The following LOXL2 variants were observed in gnomAD, a reference collection of about 807,000 sequenced individuals.
The protein encoded by LOXL2 is lysyl oxidase like 2.
LOXL2 carries 70 observed loss-of-function variants against 93.0 expected under a neutral mutation model. That is an observed-to-expected ratio of 0.75 (90% CI 0.62 to 0.92). LOXL2 has a LOEUF of 0.92. Ranked by LOEUF, LOXL2 falls within the 40% of genes least tolerant of loss-of-function variation. LOXL2 has a pLI of 0.00. For missense variants in LOXL2, 973 were observed against 1,054.9 expected (o/e 0.92, Z 1.08); for synonymous variants, 438 against 413.2 (o/e 1.06, Z -0.73).
chr8:23,301,376 T>C (rs1244204177), intron 12 of LOXL2, among the ~76,000 whole-genome samples: 1 of 152,194 alleles, frequency 6.6e-6, no homozygotes. Context: ...CAAGGCCCCC[T>C]TGTTCCTCCT....
At chr8:23,370,421 G>A (rs1393582651) in intron 1 of LOXL2, among the ~76,000 whole-genome samples, 1 of 152,184 alleles carries the variant, frequency 6.6e-6, no homozygotes, top group Non-Finnish European at 1.5e-5. Context: ...CAGGCCCAAG[G>A]GACAGAAACC....
chr8:23,300,203 C>T (rs367965657), intron 12 of LOXL2, among the ~76,000 whole-genome samples: 3 of 152,180 alleles, frequency 2.0e-5, no homozygotes, highest in South Asian at 2.1e-4. Flanking sequence ...GTTGGGGACA[C>T]GAGGGCCAGT....
At chr8:23,318,892 C>T (rs1803448485) in intron 8 of LOXL2, among the ~76,000 whole-genome samples, 2 of 152,222 alleles carry the variant, frequency 1.3e-5, no homozygotes, top group Non-Finnish European at 2.9e-5. Flanking sequence ...AGCTTCTGCT[C>T]AGGGCTCAGG....
At chr8:23,344,472 CTG>C (rs1803935953) in intron 3 of LOXL2, among the ~76,000 whole-genome samples, 1 of 151,486 alleles carries the variant, frequency 6.6e-6, no homozygotes, top group Non-Finnish European at 1.5e-5. Context: ...CTCTGTGTCT[CTG>C]TGTGTGCACG....
intron 2 of LOXL2, among the ~76,000 whole-genome samples, chr8:23,362,039 C>T (rs1804302320): frequency 2.0e-5 from 3 of 151,976 alleles, no homozygotes; most frequent in Non-Finnish European, 4.4e-5. Flanking sequence ...AAAACAGTGT[C>T]TCTAAGAGAT....
Position 23,332,192 on chromosome 8 carries a change from ACCC to A in LOXL2, c.966+1206_966+1208del, listed in dbSNP as rs1563192701. On this transcript the variant is annotated intron_variant, in intron 5 of 13. Transcript: ENST00000389131. ...CACACTCTCTCACACACACACACACACCCCACACACACCCACACCCACCCCACA... is the reference window on the plus strand; with the variant it reads ...CACACTCTCTCACACACACACACACACACACACACCCACACCCACCCCACA... 3.5e-5 allele frequency among the ~76,000 whole-genome samples: 5 copies of A among 143,524 alleles called. No homozygotes were observed. In the East Asian group the frequency reaches 8.9e-4, roughly 26 times the overall value. 94.2% of individuals were successfully genotyped at this position (143,524 alleles called of 152,430 possible).
Position 23,333,579 on chromosome 8 carries a change from A to G in LOXL2, c.788T>C (p.Met263Thr), listed in dbSNP as rs1157063703. 3.1e-6 allele frequency: 5 copies of G among 1,613,844 alleles called. No homozygotes were observed. In the Admixed American group the frequency reaches 5.0e-5, roughly 16 times the overall value. The part of the protein sequence containing the change: ...RRKQRYWPFS[M>T]DCTGTEAHIS... ...GTGGGCCTCTGTGCCGGTGCAGTCC[A>G]TGGAGAATGGCCAGTAGCGCTGCTT... is the stretch of plus-strand genomic sequence containing the variant. Residue 263 changes from methionine to threonine, a missense_variant, in exon 5 of 14, where the codon ATG (methionine) becomes ACG (threonine). Physicochemically the swap from Met to Thr is moderately conservative, Grantham distance 81. Coordinates refer to ENST00000389131, the MANE Select transcript of LOXL2 (RefSeq NM_002318.3).
intron 3 of LOXL2, among the ~76,000 whole-genome samples, chr8:23,343,122 G>A (rs1490017008): frequency 2.0e-5 from 3 of 152,134 alleles, no homozygotes; most frequent in African/African-American, 4.8e-5. Context: ...CTAATATTGA[G>A]CAAGATGCTC....
intron 1 of LOXL2, among the ~76,000 whole-genome samples, chr8:23,382,709 C>T (rs1476339924): frequency 6.6e-6 from 1 of 152,052 alleles, no homozygotes; most frequent in Non-Finnish European, 1.5e-5. Flanking sequence ...TCTTTCTGCC[C>T]TGCTCTGGTC....
intron 3 of LOXL2, among the ~76,000 whole-genome samples, chr8:23,346,151 T>TAAAAAAA (rs1167050288): frequency 9.6e-6 from 1 of 103,722 alleles, no homozygotes; most frequent in Non-Finnish European, 1.9e-5. Flanking sequence ...ATAAATAAAA[T>TAAAAAAA]AAAATAAAAA....
chr8:23,342,139 G>A lies in LOXL2; in HGVS notation c.532-936C>T, dbSNP rs77242373. ...GCCACGTGGGTGTTCCCCCTCCCTC[G>A]ACGTGGAGCTGAAATATCCCTGTAC... is the stretch of plus-strand genomic sequence containing the variant. On this transcript the variant is annotated intron_variant, in intron 3 of 13. Transcript: ENST00000389131. Among the ~76,000 whole-genome samples the A allele has an allele frequency of 1.7e-3, 266 of 152,266 alleles. 1 individual carries two copies. The highest frequency in any genetic ancestry group is 5.5e-3 in the African/African-American group (230 of 41,554).
intron 4 of LOXL2, among the ~76,000 whole-genome samples, chr8:23,334,276 T>C (rs1272967326): frequency 2.0e-5 from 3 of 152,262 alleles, no homozygotes; most frequent in Admixed American, 6.5e-5. Context: ...TGATCTCAAA[T>C]GATCTGCCTG....
intron 10 of LOXL2, among the ~76,000 whole-genome samples, chr8:23,304,252 G>C (rs148804392): frequency 6.6e-6 from 1 of 152,188 alleles, no homozygotes; most frequent in South Asian, 2.1e-4. Flanking sequence ...CTCTTCCCTC[G>C]GGAGGAATTG....
At chr8:23,336,014 A>G (rs1312528578) in intron 4 of LOXL2, among the ~76,000 whole-genome samples, 2 of 152,196 alleles carry the variant, frequency 1.3e-5, no homozygotes, top group South Asian at 2.1e-4. Flanking sequence ...TAATAATTCC[A>G]GGAACCACTG....
intron 3 of LOXL2, among the ~76,000 whole-genome samples, chr8:23,353,836 C>T (rs989560071): frequency 2.0e-5 from 3 of 152,174 alleles, no homozygotes; most frequent in Admixed American, 6.5e-5. Context: ...AACTACAGGC[C>T]GTCACAGCTG....
At chr8:23,328,851 C>A in intron 5 of LOXL2, 1 of 364,494 alleles carries the variant, frequency 2.7e-6, no homozygotes, top group Non-Finnish European at 5.1e-6. Context: ...CCTGGGGAGC[C>A]CATTGGGGAC....
At chr8:23,360,749 G>A (rs1034224510) in intron 2 of LOXL2, among the ~76,000 whole-genome samples, 3 of 152,136 alleles carry the variant, frequency 2.0e-5, no homozygotes, top group Non-Finnish European at 2.9e-5. Flanking sequence ...TGATGATGAT[G>A]ATAATGATGA....
chr8:23,351,293 C>T (rs1184856939), intron 3 of LOXL2, among the ~76,000 whole-genome samples: 8 of 152,140 alleles, frequency 5.3e-5, no homozygotes, highest in African/African-American at 1.4e-4. Flanking sequence ...CCAGGCTGAC[C>T]GCTGCCCACT....
intron 10 of LOXL2, among the ~76,000 whole-genome samples, chr8:23,309,225 C>T (rs867461484): frequency 7.2e-5 from 11 of 152,114 alleles, no homozygotes; most frequent in African/African-American, 1.9e-4. Context: ...CCTCGTGATC[C>T]GCCCGCCTCG....
Sources: gnomAD v4.1 joint callset for allele counts (sites outside exome capture counted in the v4.1 genomes callset) on GRCh38, gnomAD v4.1.1 for gene constraint, MANE v1.5 for transcripts, NCBI Gene and HGNC (gene_info 2026-07-23, HGNC 2026-07-21) for gene names.